NLE1: variants seen among roughly 807,000 people sequenced by gnomAD.
NLE1 encodes notchless protein homolog 1.
A neutral mutation model predicts 62.8 loss-of-function variants in NLE1; 37 were observed. That is an observed-to-expected ratio of 0.59 (90% CI 0.45 to 0.78). The LOEUF (loss-of-function observed/expected upper bound fraction) is 0.78, where lower values mean the gene tolerates loss of function less well. NLE1 is among the 30% of genes least tolerant of loss of function. The pLI, the probability that NLE1 is intolerant of heterozygous loss-of-function variation, is 0.00. For missense variants in NLE1, 555 were observed against 637.9 expected (o/e 0.87, Z 1.40); for synonymous variants, 243 against 253.0 (o/e 0.96, Z 0.37).
At position 35,129,994 on chromosome 17, in the gene NLE1, A is replaced by G; in HGVS notation, c.*2443T>C. 1 of 1,378,332 alleles carries G rather than the reference A, an allele frequency of 7.3e-7. No homozygotes were observed. The allele number at this position is 1,378,332 out of a possible 1,614,324, so 85.4% of individuals were successfully genotyped here. ...GGGCATTGAAAGAAATAGGGAAGAC[A>G]AGAGGCTAAAGGGGGACGAAGAAGG... On this transcript the variant is annotated 3_prime_UTR_variant, in exon 13 of 13. Coordinates refer to ENST00000442241, the MANE Select transcript of NLE1 (RefSeq NM_018096.5).
chr17:35,132,899 C>T (rs1241793412), intron 12 of NLE1, among the ~76,000 whole-genome samples: 4 of 152,066 alleles, frequency 2.6e-5, no homozygotes, highest in Non-Finnish European at 5.9e-5. Context: ...CCTGTGGCCC[C>T]TGTTGTTCCG....
At chr17:35,137,236 A>T in intron 6 of NLE1, 43 bp from the exon 7 acceptor site, 1 of 1,534,270 alleles carries the variant, frequency 6.5e-7, no homozygotes, top group Non-Finnish European at 8.9e-7. Flanking sequence ...ACCTGGCAAC[A>T]TCTGTGTGCC....
Position 35,131,874 on chromosome 17 carries a change from A to G in NLE1, c.*563T>C, listed in dbSNP as rs2091878099. ...CTGCAGTGGACAACAATACAGCCCT[A>G]GATTCTCCTTGGCCACTATCACAAC... is the stretch of plus-strand genomic sequence containing the variant. On this transcript the variant is annotated 3_prime_UTR_variant, in exon 13 of 13. Transcript: ENST00000442241. 1 of 152,266 alleles carries G rather than the reference A, an allele frequency of 6.6e-6. No individual in the cohort carries two copies. The highest frequency in any genetic ancestry group is 6.5e-5 in the Admixed American group (1 of 15,276). 9.4% of individuals were successfully genotyped at this position (152,266 alleles called of 1,614,324 possible). A position where few individuals can be genotyped will look rare whatever the true frequency, so the allele number is the denominator to read the frequency against.
intron 2 of NLE1, among the ~76,000 whole-genome samples, chr17:35,141,327 C>T (rs1187951363): frequency 6.6e-6 from 1 of 152,144 alleles, no homozygotes; most frequent in Non-Finnish European, 1.5e-5. Context: ...GCGGGAGGAT[C>T]ACGAGGTCAA....
intron 9 of NLE1, 25 bp downstream of exon 9, chr17:35,136,144 G>A: frequency 6.2e-7 from 1 of 1,613,400 alleles, no homozygotes; most frequent in East Asian, 2.2e-5. Flanking sequence ...AGAGCTAGGG[G>A]TGCACGTGGC....
Position 35,137,826 on chromosome 17 carries a change from G to A in NLE1, c.525C>T (p.Cys175=). The A allele has an allele frequency of 6.2e-7, 1 of 1,607,758 alleles. No homozygotes were observed. Among genetic ancestry groups the A allele is most frequent in the Non-Finnish European group, 8.5e-7 (1 of 1,176,790 alleles). Residue 175 remains cysteine (C), a synonymous_variant, in exon 5 of 13, where the codon TGC becomes TGT. Coordinates refer to ENST00000442241, the MANE Select transcript of NLE1 (RefSeq NM_018096.5). ...GAGAACTACCTACCTGGCCATTCTT[G>A]CAGCCTGAGGCCAGCTTCCTGCCAT... is the stretch of plus-strand genomic sequence containing the variant. ...SPDGRKLASG[C]KNGQILLWDP...
chr17:35,142,165 C>T (rs779701984), intron 1 of NLE1, 43 bp from the exon 2 acceptor site: 2 of 1,605,132 alleles, frequency 1.2e-6, no homozygotes, highest in Non-Finnish European at 1.7e-6. Flanking sequence ...GTCGCCCGCC[C>T]AGAAGGGCCC....
intron 2 of NLE1, among the ~76,000 whole-genome samples, chr17:35,140,509 G>T (rs770141881): frequency 2.0e-5 from 3 of 151,856 alleles, no homozygotes; most frequent in Admixed American, 6.6e-5. Flanking sequence ...GATTACAGGC[G>T]TGAGCCACTG....
In NLE1 at chr17:35,133,491, C is replaced by T. The variant is rs2091890294; in HGVS notation, c.1222G>A (p.Ala408Thr). Reference protein sequence around the residue: ...LWDGRTGKYLASLRGHVAAVY... With the variant: ...LWDGRTGKYLTSLRGHVAAVY... Reference sequence around the variant, plus strand: ...GCAGCCACGTGGCCGCGTAGGGAAGCCAGGTACCTGGTCCAGGAGAAGACG... The same window carrying T: ...GCAGCCACGTGGCCGCGTAGGGAAGTCAGGTACCTGGTCCAGGAGAAGACG... The change falls in exon 11 of 13, where the codon GCT becomes ACT. Residue 408 changes from alanine to threonine, a missense_variant. By Grantham distance (58) the Ala-to-Thr change is moderately conservative. Coordinates refer to ENST00000442241, the MANE Select transcript of NLE1 (RefSeq NM_018096.5). 1.2e-6 allele frequency: 2 copies of T among 1,611,484 alleles called. No homozygotes were observed. The highest frequency in any genetic ancestry group is 2.2e-5 in the East Asian group (1 of 44,822).
chr17:35,129,398 C>G lies in NLE1; in HGVS notation c.*3039G>C, dbSNP rs75191780. On this transcript the variant is annotated 3_prime_UTR_variant, in exon 13 of 13. Coordinates refer to ENST00000442241, the MANE Select transcript of NLE1 (RefSeq NM_018096.5). Reference sequence around the variant, plus strand: ...GAAGGACAGGACATATCTGAGGAAGCCTCGGGGCTCTCTCTTCCCCTAGAT... The same window carrying G: ...GAAGGACAGGACATATCTGAGGAAGGCTCGGGGCTCTCTCTTCCCCTAGAT... The G allele has an allele frequency of 2.3e-4, 376 of 1,609,392 alleles. 2 individuals carry two copies. The African/African-American group carries it at 3.9e-3, about 17-fold the overall frequency.
At chr17:35,137,436 G>C (rs1331365991) in intron 6 of NLE1, 107 bp downstream of exon 6, 1 of 968,992 alleles carries the variant, frequency 1.0e-6, no homozygotes, top group East Asian at 2.6e-5. Flanking sequence ...CGGTCATTCA[G>C]GCTGCCCATC....
chr17:35,137,961 C>T, intron 4 of NLE1, 71 bp from the exon 5 acceptor site: 1 of 1,072,442 alleles, frequency 9.3e-7, no homozygotes, highest in Non-Finnish European at 1.4e-6. Context: ...CAGTGCCTGT[C>T]AGGTGCCAGG....
Position 35,133,156 on chromosome 17 carries a change from T to C in NLE1, c.1445+15A>G, listed in dbSNP as rs2306510. 9,234 of 1,613,108 alleles carry C rather than the reference T, an allele frequency of 5.7e-3. 390 individuals carry two copies. In the East Asian group the frequency reaches 0.11, roughly 19 times the overall value. On this transcript the variant is annotated intron_variant, in intron 12 of 12. Transcript: ENST00000442241. ...GAGGGCTGTGTATGCCAACCACCAC[T>C]TCCCCCACACTCACATCCGGAGGCA... is the stretch of plus-strand genomic sequence containing the variant.
chr17:35,133,793 C>T (rs2091891957), intron 10 of NLE1, among the ~76,000 whole-genome samples: 1 of 152,144 alleles, frequency 6.6e-6, no homozygotes, highest in African/African-American at 2.4e-5. Context: ...ATCTGCTTAG[C>T]CCATCTGCCT....
intron 3 of NLE1, 114 bp downstream of exon 3, chr17:35,139,735 T>G: frequency 7.0e-7 from 1 of 1,432,522 alleles, no homozygotes; most frequent in Non-Finnish European, 9.4e-7. Context: ...AGAGCTTGGG[T>G]CTATGGTAGG....
Position 35,136,361 on chromosome 17 carries a change from C to T in NLE1, c.964+1G>A. ...CGCTCTTCCTTCTCCCAATCACTCA[C>T]AGGATCCTTGGAGGTCTTGGGGATT... On this transcript the variant is annotated splice_donor_variant, in intron 8 of 12. Transcript: ENST00000442241. LOFTEE classifies it high-confidence loss of function. 6.2e-7 allele frequency: 1 copy of T among 1,612,908 alleles called. No homozygotes were observed. Among genetic ancestry groups the T allele is most frequent in the South Asian group, 1.1e-5 (1 of 91,062 alleles).
Position 35,139,249 on chromosome 17 carries a change from T to C in NLE1, c.446A>G (p.His149Arg). The change falls in exon 4 of 13, where the codon CAT becomes CGT. Residue 149 changes from histidine (H) to arginine (R), a missense_variant. Physicochemically the swap from His to Arg is conservative, Grantham distance 29 (BLOSUM62 0). Transcript: ENST00000442241. ...TGCATACTGACCCTTGCATGTGAAA[T>C]GTGGTGTCTCTGTGCTGAGATCCCA... The part of the protein sequence containing the change: ...RFWDLSTETP[H>R]FTCKGHRHWV... 1 of 1,613,760 alleles carries C rather than the reference T, an allele frequency of 6.2e-7. No individual in the cohort carries two copies. The highest frequency in any genetic ancestry group is 8.5e-7 in the Non-Finnish European group (1 of 1,179,818).
chr17:35,132,462 GA>G lies in NLE1; in HGVS notation c.1446-14del. On this transcript the variant is annotated splice_polypyrimidine_tract_variant and intron_variant, in intron 12 of 12. Transcript: ENST00000442241. ...TCATCTCCTCCATCTGTGGAGAAGG[GA>G]AGGGTGTCAGGATGGGGATTCCACC... is the stretch of plus-strand genomic sequence containing the variant. The G allele has an allele frequency of 7.2e-7, 1 of 1,395,226 alleles. No homozygotes were observed. The highest frequency in any genetic ancestry group is 3.1e-5 in the Admixed American group (1 of 32,142). 86.4% of individuals were successfully genotyped at this position (1,395,226 alleles called of 1,614,324 possible).
In NLE1 at chr17:35,142,253, C is replaced by A. The variant is rs750310918; in HGVS notation, c.18+5G>T. 1.3e-6 allele frequency: 2 copies of A among 1,548,356 alleles called. No homozygotes were observed. Among genetic ancestry groups the A allele is most frequent in the Non-Finnish European group, 1.7e-6 (2 of 1,149,138 alleles). ...CGCCCCCCGCCCCCATCCACGCACA[C>A]CCACCGGCACTGCTGCCGCCATCCT... On this transcript the variant is annotated splice_donor_5th_base_variant and intron_variant, in intron 1 of 12. Coordinates refer to ENST00000442241, the MANE Select transcript of NLE1 (RefSeq NM_018096.5).
Sources: gnomAD v4.1 joint callset for allele counts (sites outside exome capture counted in the v4.1 genomes callset) on GRCh38, gnomAD v4.1.1 for gene constraint, MANE v1.5 for transcripts, NCBI Gene and HGNC (gene_info 2026-07-23, HGNC 2026-07-21) for gene names.